Variants in CNTNAP2 observed in about 807,000 individuals in gnomAD.
CNTNAP2 encodes contactin associated protein 2.
A neutral mutation model predicts 155.2 loss-of-function variants in CNTNAP2; 98 were observed. That is an observed-to-expected ratio of 0.63 (90% CI 0.54 to 0.75). The LOEUF is 0.75. CNTNAP2 is among the 30% of genes least tolerant of loss of function. CNTNAP2 has a pLI of 0.00. For missense variants in CNTNAP2, 1,727 were observed against 1,688.1 expected, an observed-to-expected ratio of 1.02 and a Z score of -0.40; for synonymous variants, 651 against 631.2, an observed-to-expected ratio of 1.03 and a Z score of -0.47.
chr7:147,739,481 G>T (rs1796919754), intron 13 of CNTNAP2, among the ~76,000 whole-genome samples: 1 of 152,098 alleles, frequency 6.6e-6, no homozygotes, highest in South Asian at 2.1e-4. Context: ...CTACTGCTAG[G>T]AATTCCATAT....
intron 1 of CNTNAP2, among the ~76,000 whole-genome samples, chr7:146,161,015 G>T (rs1798213169): frequency 6.6e-6 from 1 of 152,142 alleles, no homozygotes. Context: ...GGATCAAGTT[G>T]GCTTCATCCC....
intron 12 of CNTNAP2, among the ~76,000 whole-genome samples, chr7:147,597,917 C>A (rs907987902): frequency 1.3e-5 from 2 of 152,136 alleles, no homozygotes. Flanking sequence ...TTCCCAAGGG[C>A]GTAGGTCAGA....
At chr7:146,624,091 T>C (rs956038889) in intron 1 of CNTNAP2, among the ~76,000 whole-genome samples, 2 of 152,180 alleles carry the variant, frequency 1.3e-5, no homozygotes, top group East Asian at 1.9e-4. Flanking sequence ...ATTTAATAAA[T>C]AGCCCAATTT....
chr7:146,151,635 GATATATATATATATATAT>G (rs1226681385), intron 1 of CNTNAP2, among the ~76,000 whole-genome samples: 8 of 36,398 alleles, frequency 2.2e-4, no homozygotes, highest in South Asian at 1.2e-3. Flanking sequence ...AAGAAAACGT[GATATATATATATATATAT>G]ATATATATAT....
chr7:146,927,466 T>C (rs75624382), intron 3 of CNTNAP2, among the ~76,000 whole-genome samples: 2,997 of 152,174 alleles, frequency 0.02, 101 homozygotes, highest in African/African-American at 0.068. Flanking sequence ...GAAAAACTTA[T>C]TTTGTAAGTA....
chr7:146,955,959 C>G (rs1405141935), intron 3 of CNTNAP2, among the ~76,000 whole-genome samples: 1 of 151,994 alleles, frequency 6.6e-6, no homozygotes, highest in Non-Finnish European at 1.5e-5. Context: ...CTGGCCATGA[C>G]TGATGGATTT....
rs530648726 is a variant in CNTNAP2 at position 147,094,692 on chromosome 7, T to A, written c.551-13455T>A. On this transcript the variant is annotated intron_variant, in intron 4 of 23. Coordinates refer to ENST00000361727, the MANE Select transcript of CNTNAP2 (RefSeq NM_014141.6). Reference sequence around the variant, plus strand: ...AAGTGCTGGGATTATTATTATTATTTTTTTAAAGCATGAACTTTGTAAGCC... The same window carrying A: ...AAGTGCTGGGATTATTATTATTATTATTTTAAAGCATGAACTTTGTAAGCC... Among the ~76,000 whole-genome samples the A allele has an allele frequency of 7.9e-5, 12 of 152,158 alleles. No individual in the cohort carries two copies. In the East Asian group the frequency reaches 1.7e-3, roughly 22 times the overall value.
chr7:147,538,030 TTAGTGGTGACTG>T (rs1799578061), intron 11 of CNTNAP2, among the ~76,000 whole-genome samples: 1 of 152,204 alleles, frequency 6.6e-6, no homozygotes, highest in Non-Finnish European at 1.5e-5. Flanking sequence ...GGAAGCTGAG[TTAGTGGTGACTG>T]TTTGATTCTA....
intron 15 of CNTNAP2, among the ~76,000 whole-genome samples, chr7:148,072,742 C>T (rs1803405027): frequency 6.6e-6 from 1 of 152,212 alleles, no homozygotes. Flanking sequence ...GCATCTCACT[C>T]TGTAGCCCAG....
chr7:146,956,551 G>C (rs1797441911), intron 3 of CNTNAP2, among the ~76,000 whole-genome samples: 1 of 152,142 alleles, frequency 6.6e-6, no homozygotes, highest in Non-Finnish European at 1.5e-5. Context: ...TGCTGGCAAA[G>C]AGAGGGAAAA....
At chr7:146,713,092 A>G (rs1356496665) in intron 1 of CNTNAP2, among the ~76,000 whole-genome samples, 2 of 152,010 alleles carry the variant, frequency 1.3e-5, no homozygotes, top group Admixed American at 6.6e-5. Context: ...GAAATCTCAG[A>G]CTCGCAGGAC....
intron 4 of CNTNAP2, among the ~76,000 whole-genome samples, chr7:147,085,315 G>A (rs942648925): frequency 2.0e-5 from 3 of 152,080 alleles, no homozygotes; most frequent in African/African-American, 4.8e-5. Flanking sequence ...TTAGGAACCC[G>A]GCCACAGCAT....
At chr7:146,322,440 C>G (rs555738579) in intron 1 of CNTNAP2, among the ~76,000 whole-genome samples, 5 of 152,136 alleles carry the variant, frequency 3.3e-5, no homozygotes, top group African/African-American at 1.2e-4. Context: ...TCACTGGAAA[C>G]GTAGCAGTTA....
chr7:148,245,083 G>T (rs992650218), intron 20 of CNTNAP2, among the ~76,000 whole-genome samples: 1 of 152,154 alleles, frequency 6.6e-6, no homozygotes, highest in Non-Finnish European at 1.5e-5. Context: ...GACTGGAGTT[G>T]ATTGAGAATA....
intron 1 of CNTNAP2, among the ~76,000 whole-genome samples, chr7:146,160,422 T>G (rs921616531): frequency 1.3e-5 from 2 of 151,992 alleles, no homozygotes; most frequent in African/African-American, 2.4e-5. Flanking sequence ...TTTGAAAAGA[T>G]CAACAAAATT....
intron 13 of CNTNAP2, among the ~76,000 whole-genome samples, chr7:147,764,746 G>C (rs1474858795): frequency 1.3e-5 from 2 of 152,130 alleles, no homozygotes; most frequent in Non-Finnish European, 2.9e-5. Flanking sequence ...TAGCCCAAGA[G>C]TAAATCACAA....
At chr7:147,689,197 T>G (rs958428239) in intron 13 of CNTNAP2, among the ~76,000 whole-genome samples, 2 of 151,376 alleles carry the variant, frequency 1.3e-5, no homozygotes, top group African/African-American at 2.4e-5. Context: ...TTGCCCAGGC[T>G]GAAGTTCAGT....
chr7:147,154,487 T>G (rs1801885516), intron 8 of CNTNAP2, among the ~76,000 whole-genome samples: 1 of 152,226 alleles, frequency 6.6e-6, no homozygotes, highest in Non-Finnish European at 1.5e-5. Context: ...TAAACTTACT[T>G]GTTTATCATA....
chr7:146,403,608 A>G (rs565354870), intron 1 of CNTNAP2, among the ~76,000 whole-genome samples: 4 of 152,326 alleles, frequency 2.6e-5, no homozygotes, highest in African/African-American at 9.6e-5. Context: ...TATATTTTGG[A>G]AAACAAATGT....
Sources: allele counts gnomAD v4.1 joint callset (sites outside exome capture counted in the v4.1 genomes callset), GRCh38; gene constraint gnomAD v4.1.1; transcripts MANE v1.5; gene names NCBI Gene and HGNC (gene_info 2026-07-23, HGNC 2026-07-21).